The following ARHGEF10 variants were observed in gnomAD, a reference collection of about 807,000 sequenced individuals.
The protein encoded by ARHGEF10 is Rho guanine nucleotide exchange factor 10, also known as Rho guanine nucleotide exchange factor (GEF) 10.
ARHGEF10 carries 140 observed loss-of-function variants against 147.4 expected under a neutral mutation model. The observed-to-expected ratio is 0.95, with a 90% CI of 0.83 to 1.09. ARHGEF10 has a LOEUF of 1.09. Ranked by LOEUF, ARHGEF10 falls within the 50% of genes least tolerant of loss-of-function variation. The pLI is 0.00. For missense variants in ARHGEF10, 2,222 were observed against 1,752.7 expected (o/e 1.27, Z -4.78); for synonymous variants, 902 against 695.8 (o/e 1.30, Z -4.67).
In ARHGEF10 at chr8:1,903,357, T is replaced by C; in HGVS notation, c.1727T>C (p.Leu576Pro). 1.2e-6 allele frequency: 2 copies of C among 1,614,110 alleles called. No individual in the cohort carries two copies. The highest frequency in any genetic ancestry group is 2.2e-5 in the East Asian group (1 of 44,878). ...ATGGCCCTGACAGAGCTCGAAACAC[T>C]AGCAGAGAAGTTAAATGAAAGAAAG... ...LQMALTELET[L>P]AEKLNERKRD... Residue 576 changes from leucine (L) to proline (P), a missense_variant, in exon 16 of 29, where the codon CTA becomes CCA. By Grantham distance (98) the Leu-to-Pro change is moderately conservative (BLOSUM62 -3). Transcript: ENST00000349830.
chr8:1,913,283 C>G (rs1287511282), intron 18 of ARHGEF10, among the ~76,000 whole-genome samples: 2 of 146,652 alleles, frequency 1.4e-5, no homozygotes, highest in Non-Finnish European at 3.0e-5. Context: ...CCCATCCTTC[C>G]CAGGGAGAAG....
chr8:1,831,351 T>C (rs1803089779), intron 1 of ARHGEF10, among the ~76,000 whole-genome samples: 1 of 148,630 alleles, frequency 6.7e-6, no homozygotes, highest in Non-Finnish European at 1.5e-5. Flanking sequence ...GTGACGGCCA[T>C]GGAGGGACAG....
chr8:1,883,109 G>A (rs1316478518), intron 10 of ARHGEF10, among the ~76,000 whole-genome samples: 4 of 152,204 alleles, frequency 2.6e-5, no homozygotes, highest in South Asian at 2.1e-4. Context: ...GACTGAGGTC[G>A]TGAGCGTCCT....
intron 15 of ARHGEF10, among the ~76,000 whole-genome samples, chr8:1,902,419 G>A (rs551180166): frequency 1.2e-4 from 19 of 152,304 alleles, no homozygotes; most frequent in African/African-American, 4.1e-4. Context: ...GGCTGTTGTT[G>A]TTGATTTGTG....
chr8:1,871,199 C>G (rs555968366), intron 7 of ARHGEF10: 2 of 149,128 alleles, frequency 1.3e-5, no homozygotes, highest in Admixed American at 1.3e-4. Flanking sequence ...ATATACAGAT[C>G]TTTGAAGCAA....
At chr8:1,874,289 C>T (rs1004262305) in intron 7 of ARHGEF10, among the ~76,000 whole-genome samples, 5 of 152,208 alleles carry the variant, frequency 3.3e-5, no homozygotes, top group African/African-American at 1.2e-4. Context: ...TGAGTTCTAA[C>T]AGACCTAAGT....
At chr8:1,875,432 C>G (rs1208469056) in intron 7 of ARHGEF10, among the ~76,000 whole-genome samples, 1 of 152,118 alleles carries the variant, frequency 6.6e-6, no homozygotes, top group Non-Finnish European at 1.5e-5. Context: ...TGGGTGAGCT[C>G]TCAGGATGAT....
chr8:1,942,583 C>A (rs993097897), intron 26 of ARHGEF10, among the ~76,000 whole-genome samples: 1 of 152,058 alleles, frequency 6.6e-6, no homozygotes, highest in Non-Finnish European at 1.5e-5. Context: ...CCAGGTGACC[C>A]AGCATTTCCA....
Position 1,894,432 on chromosome 8 carries a change from C to G in ARHGEF10, c.1300C>G (p.Leu434Val). 1 of 1,614,220 alleles carries G rather than the reference C, an allele frequency of 6.2e-7. No individual in the cohort carries two copies. Among genetic ancestry groups the G allele is most frequent in the South Asian group, 1.1e-5 (1 of 91,088 alleles). ...KPLSEMEPKVLSERKLKTVFY... is the reference protein window; with the variant it reads ...KPLSEMEPKVVSERKLKTVFY... ...GCTGTCTGAGATGGAGCCAAAGGTT[C>G]TGAGTGAGAGGAAGCTGAAGACGGT... Residue 434 changes from leucine to valine, a missense_variant, in exon 13 of 29, where the codon CTG (leucine) becomes GTG (valine). By Grantham distance (32) the Leu-to-Val change is conservative. Transcript: ENST00000349830.
intron 28 of ARHGEF10, among the ~76,000 whole-genome samples, chr8:1,955,668 T>C (rs913355883): frequency 1.3e-5 from 2 of 152,130 alleles, no homozygotes; most frequent in Admixed American, 6.5e-5. Context: ...TTTCTCTGGA[T>C]GGGTAGCTAG....
intron 10 of ARHGEF10, among the ~76,000 whole-genome samples, chr8:1,882,977 A>G (rs1808348169): frequency 6.6e-6 from 1 of 152,152 alleles, no homozygotes; most frequent in Non-Finnish European, 1.5e-5. Context: ...AATCATTGAG[A>G]ATCATTGAGA....
chr8:1,893,739 T>TC, intron 12 of ARHGEF10, 93 bp downstream of exon 12: 5 of 1,066,256 alleles, frequency 4.7e-6, no homozygotes, highest in South Asian at 1.3e-5. Flanking sequence ...CATATATGTT[T>TC]ATGAAACATA....
intron 3 of ARHGEF10, among the ~76,000 whole-genome samples, chr8:1,858,401 T>G (rs561329289): frequency 1.6e-4 from 25 of 152,234 alleles, no homozygotes; most frequent in African/African-American, 4.6e-4. Flanking sequence ...CAGAGAGTTA[T>G]GATTTCTTCA....
intron 23 of ARHGEF10, chr8:1,926,923 TC>T (rs143522670): frequency 0.013 from 3,697 of 285,238 alleles, 148 homozygotes; most frequent in African/African-American, 0.078. Flanking sequence ...CAGAGGACAT[TC>T]TTGAAGCTGT....
intron 18 of ARHGEF10, among the ~76,000 whole-genome samples, chr8:1,913,342 G>A (rs905473473): frequency 6.6e-6 from 1 of 152,200 alleles, no homozygotes; most frequent in African/African-American, 2.4e-5. Context: ...TCTCAAGTCA[G>A]TGTACAGGTG....
intron 28 of ARHGEF10, 148 bp downstream of exon 28, chr8:1,952,975 C>A: frequency 1.7e-6 from 2 of 1,180,304 alleles, no homozygotes; most frequent in Non-Finnish European, 2.3e-6. Flanking sequence ...ACTTAATAGA[C>A]TGTTTAATTG....
Position 1,860,321 on chromosome 8 carries a change from TC to T in ARHGEF10, c.481+143del, listed in dbSNP as rs1441214844. ...GTTCCGTAGAGTCCGGGCCTGACCT[TC>T]CCCCCTCCTCCTCCTCTCCATGCCC... On this transcript the variant is annotated intron_variant, in intron 4 of 28. Transcript: ENST00000349830. The T allele has an allele frequency of 4.2e-5, 46 of 1,102,258 alleles. No homozygotes were observed. In the South Asian group the frequency reaches 6.3e-4, roughly 15 times the overall value. 68.3% of individuals were successfully genotyped at this position (1,102,258 alleles called of 1,614,324 possible). A position where few individuals can be genotyped will look rare whatever the true frequency, so the allele number is the denominator to read the frequency against.
intron 26 of ARHGEF10, among the ~76,000 whole-genome samples, chr8:1,943,418 C>T (rs1204245242): frequency 6.6e-6 from 1 of 152,110 alleles, no homozygotes; most frequent in South Asian, 2.1e-4. Flanking sequence ...TGTGGGCCTG[C>T]ACACCTTCTC....
At position 1,923,060 on chromosome 8, in the gene ARHGEF10, A is replaced by G. The variant is rs1433611644; in HGVS notation, c.2240A>G (p.Asn747Ser). 3 of 1,609,632 alleles carry G rather than the reference A, an allele frequency of 1.9e-6. No homozygotes were observed. Among genetic ancestry groups the G allele is most frequent in the Non-Finnish European group, 2.5e-6 (3 of 1,176,734 alleles). Residue 747 changes from asparagine (N) to serine (S), a missense_variant, in exon 19 of 29, where the codon AAC becomes AGC. Physicochemically the swap from Asn to Ser is conservative, Grantham distance 46. Coordinates refer to ENST00000349830, the MANE Select transcript of ARHGEF10 (RefSeq NM_014629.4). ...GGCCAAATCACTCAGCTGATAGGAAACCTTAAAGGAAACTATCAGGTAACA... is the reference window on the plus strand; with the variant it reads ...GGCCAAATCACTCAGCTGATAGGAAGCCTTAAAGGAAACTATCAGGTAACA... Reference protein sequence around the residue: ...VIGQITQLIGNLKGNYQNLNQ... With the variant: ...VIGQITQLIGSLKGNYQNLNQ...
Sources: allele counts gnomAD v4.1 joint callset (sites outside exome capture counted in the v4.1 genomes callset), GRCh38; gene constraint gnomAD v4.1.1; transcripts MANE v1.5; gene names NCBI Gene and HGNC (gene_info 2026-07-23, HGNC 2026-07-21).